RUSC1: variants seen among roughly 807,000 people sequenced by gnomAD.
The protein encoded by RUSC1 is RUN and SH3 domain containing 1, also known as AP-4 complex accessory subunit RUSC1.
Under a neutral mutation model 72.1 loss-of-function variants are expected in RUSC1, and 40 were observed. The ratio of observed to expected loss-of-function variants is 0.55; its 90% confidence interval spans 0.43 to 0.72. The LOEUF (loss-of-function observed/expected upper bound fraction) is 0.72. Among genes scored for constraint, RUSC1 ranks in the 30% least tolerant of loss-of-function variants. The pLI is 0.00. For synonymous variants in RUSC1, 512 were observed against 494.2 expected (o/e 1.04, Z -0.48); for missense variants, 1,092 against 1,172.3 (o/e 0.93, Z 1.00).
chr1:155,321,496 G>T, intron 1 of RUSC1, 192 bp from the exon 2 acceptor site: 2 of 1,483,304 alleles, frequency 1.3e-6, no homozygotes, highest in East Asian at 2.8e-5. Context: ...CATTCCCGGG[G>T]GGTTACATTC....
rs749135751 is a variant in RUSC1, at chr1:155,321,851, G to A, written c.78G>A (p.Leu26=). Residue 26 remains leucine (L), a synonymous_variant, in exon 2 of 10, where the codon TTG becomes TTA. Transcript: ENST00000368352. ...HLQHVSLGLH[L]SRRPELQEGP... is the part of the protein sequence containing the mutation. ...AGCACGTCTCCCTGGGCCTGCACTT[G>A]TCCCGCCGTCCTGAGCTACAGGAGG... The A allele has an allele frequency of 8.1e-6, 13 of 1,613,670 alleles. No homozygotes were observed. The African/African-American group carries it at 1.3e-4, about 17-fold the overall frequency.
chr1:155,323,518 G>C (rs564235447), intron 2 of RUSC1: 32 of 159,380 alleles, frequency 2.0e-4, no homozygotes, highest in East Asian at 7.0e-4. Flanking sequence ...TCCTCTGGCC[G>C]GGTGGCCCGG....
Position 155,326,485 on chromosome 1 carries a change from G to T in RUSC1, c.1862-95G>T. 1 of 1,268,742 alleles carries T rather than the reference G, an allele frequency of 7.9e-7. No homozygotes were observed. The highest frequency in any genetic ancestry group is 1.1e-6 in the Non-Finnish European group (1 of 912,740). 78.6% of individuals were successfully genotyped at this position (1,268,742 alleles called of 1,614,324 possible). ...CTGCCCCAGTGCCCAGCAGAGTGAGGCCTGGGAAGATGTGTGCTGACTGGT... is the reference window on the plus strand; with the variant it reads ...CTGCCCCAGTGCCCAGCAGAGTGAGTCCTGGGAAGATGTGTGCTGACTGGT... On this transcript the variant is annotated intron_variant, in intron 7 of 9. Transcript: ENST00000368352. This position sits in a 1 kb window ranked among gnomAD's most constrained non-coding sequence, Gnocchi z 4.7.
intron 9 of RUSC1, 114 bp downstream of exon 9, chr1:155,328,389 A>G: frequency 8.9e-7 from 1 of 1,125,712 alleles, no homozygotes; most frequent in Non-Finnish European, 1.2e-6. Flanking sequence ...CTTAGTGTGC[A>G]TTGCAGCTTT....
rs1211053392 is a variant in RUSC1, at chr1:155,325,550, G to A, written c.1709-17G>A. On this transcript the variant is annotated splice_polypyrimidine_tract_variant and intron_variant, in intron 5 of 9. Transcript: ENST00000368352. This position sits in a 1 kb window ranked among gnomAD's most constrained non-coding sequence, Gnocchi z 6.5. The stretch of plus-strand genomic sequence containing the variant: ...AGGGCAGGGCCGGGCTTGGCTGACT[G>A]CACCCCACGTTCTCAGGCTCCAGCA... 1.2e-6 allele frequency: 2 copies of A among 1,607,960 alleles called. No individual in the cohort carries two copies. The highest frequency in any genetic ancestry group is 1.3e-5 in the African/African-American group (1 of 75,036).
Position 155,322,290 on chromosome 1 carries a change from T to C in RUSC1, c.517T>C (p.Ser173Pro). Residue 173 changes from serine (S) to proline (P), a missense_variant, in exon 2 of 10, where the codon TCA (serine) becomes CCA (proline). Transcript: ENST00000368352. Reference protein sequence around the residue: ...SPDSCSGASSSPDPGLDSNCN... With the variant: ...SPDSCSGASSPPDPGLDSNCN... ...TGATTCCTGCTCCGGAGCTTCTTCT[T>C]CACCCGATCCTGGCCTGGACTCGAA... 1 of 1,611,354 alleles carries C rather than the reference T, an allele frequency of 6.2e-7. No homozygotes were observed. The highest frequency in any genetic ancestry group is 8.5e-7 in the Non-Finnish European group (1 of 1,178,052).
At chr1:155,324,337 C>A (rs1393880351) in intron 2 of RUSC1, 3 of 1,595,634 alleles carry the variant, frequency 1.9e-6, no homozygotes, top group East Asian at 4.5e-5. Context: ...TTCCCCTTTC[C>A]GGCGCCTTCC....
chr1:155,321,625 C>T, intron 1 of RUSC1, 63 bp from the exon 2 acceptor site: 2 of 1,269,742 alleles, frequency 1.6e-6, no homozygotes, highest in East Asian at 2.3e-5. Flanking sequence ...GTCAAGTCAC[C>T]TCGGTGTCCT....
Position 155,325,063 on chromosome 1 carries a change from C to A in RUSC1, c.1457-39C>A, listed in dbSNP as rs755383159. The A allele has an allele frequency of 6.2e-7, 1 of 1,613,986 alleles. No homozygotes were observed. The highest frequency in any genetic ancestry group is 1.1e-5 in the South Asian group (1 of 91,088). On this transcript the variant is annotated intron_variant, in intron 3 of 9. Coordinates refer to ENST00000368352, the MANE Select transcript of RUSC1 (RefSeq NM_001105203.2). The surrounding 1 kb of genome is among the most constrained non-coding windows in gnomAD (Gnocchi z 6.5). ...CCCCTCGGGCAAGCCTGGGTAGGGG[C>A]GCGGCCTCCTAGCGTCTTCCCTTTC... is the stretch of plus-strand genomic sequence containing the variant.
rs758786910 is a variant in RUSC1, at chr1:155,326,775, C to T, written c.2057C>T (p.Pro686Leu). 5 of 1,613,120 alleles carry T rather than the reference C, an allele frequency of 3.1e-6. No homozygotes were observed. In the South Asian group the frequency reaches 5.5e-5, roughly 18 times the overall value. The change falls in exon 8 of 10, where the codon CCA becomes CTA. Residue 686 changes from proline to leucine, a missense_variant. Pro to Leu is a moderately conservative substitution (Grantham distance 98, BLOSUM62 -3). Transcript: ENST00000368352. The surrounding 1 kb of genome is among the most constrained non-coding windows in gnomAD (Gnocchi z 4.7). ...PQAPAPPGPP[P>L]ALQQTMQAML... The stretch of plus-strand genomic sequence containing the variant: ...GCCCCTGCCCCTCCAGGCCCACCTC[C>T]AGCTCTGCAGCAGACTATGCAAGCC...
Position 155,322,379 on chromosome 1 carries a change from G to T in RUSC1, c.606G>T (p.Arg202Ser), listed in dbSNP as rs1650665586. The change falls in exon 2 of 10, where the codon AGG becomes AGT. Residue 202 changes from arginine to serine, a missense_variant. By Grantham distance (110) the Arg-to-Ser change is moderately radical. Transcript: ENST00000368352. The part of the protein sequence containing the change: ...PSPGLEEEDE[R>S]AEQDLPTSEL... ...CAGGCTTGGAGGAAGAGGACGAGAG[G>T]GCGGAGCAGGATCTCCCTACCTCTG... The T allele has an allele frequency of 1.2e-6, 2 of 1,614,016 alleles. No individual in the cohort carries two copies. Among genetic ancestry groups the T allele is most frequent in the Non-Finnish European group, 1.7e-6 (2 of 1,179,974 alleles).
In RUSC1 at chr1:155,330,556, C is replaced by G. The variant is rs755204471; in HGVS notation, c.2694C>G (p.Thr898=). The part of the protein sequence containing the change: ...GMEGLVPVGY[T]SLVL ...AGGGTCTGGTGCCTGTGGGGTATAC[C>G]TCCCTTGTTCTGTAGCCCTGGGACC... is the stretch of plus-strand genomic sequence containing the variant. The change falls in exon 10 of 10, where the codon ACC becomes ACG. Residue 898 remains threonine (T), a synonymous_variant. Transcript: ENST00000368352. The G allele has an allele frequency of 3.5e-5, 56 of 1,599,412 alleles. 1 individual carries two copies. In the South Asian group the frequency reaches 6.1e-4, roughly 17 times the overall value.
In RUSC1 at chr1:155,323,085, G is replaced by C; in HGVS notation, c.1312G>C (p.Glu438Gln). Reference protein sequence around the residue: ...GRAVSPAAGEEAPAAKEPGAQ... With the variant: ...GRAVSPAAGEQAPAAKEPGAQ... ...GGCTGTCAGCCCAGCGGCTGGCGAG[G>C]AGGCCCCAGCCGCGAAGGAGCCGGG... Residue 438 changes from glutamate to glutamine, a missense_variant, in exon 2 of 10, where the codon GAG becomes CAG. Glu to Gln is a conservative substitution (Grantham distance 29, BLOSUM62 2). Coordinates refer to ENST00000368352, the MANE Select transcript of RUSC1 (RefSeq NM_001105203.2). 7.0e-7 allele frequency: 1 copy of C among 1,430,006 alleles called. No homozygotes were observed. The highest frequency in any genetic ancestry group is 1.5e-5 in the South Asian group (1 of 66,456). The allele number at this position is 1,430,006 out of a possible 1,614,324, so 88.6% of individuals were successfully genotyped here.
Position 155,325,873 on chromosome 1 carries a change from G to T in RUSC1, c.1824G>T (p.Gln608His). ...AFILGLLNTK[Q>H]LELWFSSLQE... is the part of the protein sequence containing the mutation. Reference sequence around the variant, plus strand: ...CTCTTTTCTCCCCTAGCACCAAGCAGTTGGAGCTGTGGTTTTCCAGTCTCC... The same window carrying T: ...CTCTTTTCTCCCCTAGCACCAAGCATTTGGAGCTGTGGTTTTCCAGTCTCC... The change falls in exon 7 of 10, where the codon CAG becomes CAT. Residue 608 changes from glutamine (Q) to histidine (H), a missense_variant. Transcript: ENST00000368352. The surrounding 1 kb of genome is among the most constrained non-coding windows in gnomAD (Gnocchi z 6.5). 4 of 1,614,156 alleles carry T rather than the reference G, an allele frequency of 2.5e-6. No homozygotes were observed. Among genetic ancestry groups the T allele is most frequent in the Non-Finnish European group, 3.4e-6 (4 of 1,180,016 alleles).
At position 155,325,658 on chromosome 1, in the gene RUSC1, C is replaced by T. The variant is rs1309162843; in HGVS notation, c.1800C>T (p.Ile600=). 6.2e-7 allele frequency: 1 copy of T among 1,613,886 alleles called. No homozygotes were observed. Among genetic ancestry groups the T allele is most frequent in the Non-Finnish European group, 8.5e-7 (1 of 1,179,978 alleles). The stretch of plus-strand genomic sequence containing the variant: ...GCCGTAGCCGCTTCCATGCCTTTAT[C>T]CTGGGCCTCCTCAAGTGAGTTGCCT... ...SSSRSRFHAF[I]LGLLNTKQLE... is the part of the protein sequence containing the mutation. Residue 600 remains isoleucine (I), a synonymous_variant, in exon 6 of 10, where the codon ATC becomes ATT. Coordinates refer to ENST00000368352, the MANE Select transcript of RUSC1 (RefSeq NM_001105203.2). This position sits in a 1 kb window ranked among gnomAD's most constrained non-coding sequence, Gnocchi z 6.5.
rs1185333275 is a variant in RUSC1, at chr1:155,322,136, C to G, written c.363C>G (p.Val121=). 6.2e-7 allele frequency: 1 copy of G among 1,605,552 alleles called. No homozygotes were observed. The highest frequency in any genetic ancestry group is 2.2e-5 in the East Asian group (1 of 44,758). ...DLSPDESPVS[V]YLRDLPGDED... is the part of the protein sequence containing the mutation. ...GCCCCGATGAGTCCCCTGTCTCAGT[C>G]TACTTGCGGGACCTCCCTGGTGATG... The change falls in exon 2 of 10, where the codon GTC becomes GTG. Residue 121 remains valine (V), a synonymous_variant. Transcript: ENST00000368352.
intron 1 of RUSC1, 188 bp downstream of exon 1, chr1:155,321,179 C>T: frequency 2.2e-6 from 3 of 1,371,838 alleles, no homozygotes; most frequent in Non-Finnish European, 2.9e-6. Context: ...CCGGCCGAGG[C>T]AGCCAGCAGA....
In RUSC1 at chr1:155,321,953, G is replaced by C; in HGVS notation, c.180G>C (p.Val60=). The C allele has an allele frequency of 6.2e-7, 1 of 1,600,860 alleles. No individual in the cohort carries two copies. Among genetic ancestry groups the C allele is most frequent in the Non-Finnish European group, 8.5e-7 (1 of 1,173,480 alleles). The change falls in exon 2 of 10, where the codon GTG becomes GTC. Residue 60 remains valine, a synonymous_variant. Coordinates refer to ENST00000368352, the MANE Select transcript of RUSC1 (RefSeq NM_001105203.2). Reference sequence around the variant, plus strand: ...GGGGCCCCTGCAGTGGCACCCTGGTGGACGCCAATTCCAACAGCCCAGCTG... The same window carrying C: ...GGGGCCCCTGCAGTGGCACCCTGGTCGACGCCAATTCCAACAGCCCAGCTG... ...ESRGPCSGTL[V]DANSNSPAVP...
rs1485407732 is a variant in RUSC1 at position 155,322,758 on chromosome 1, C to T, written c.985C>T (p.Leu329=). The change falls in exon 2 of 10, where the codon CTG becomes TTG. Residue 329 remains leucine, a synonymous_variant. Coordinates refer to ENST00000368352, the MANE Select transcript of RUSC1 (RefSeq NM_001105203.2). The part of the protein sequence containing the change: ...LAQKRKRGPG[L]PLVPQAKKDR... ...CCAGAAGCGCAAGCGGGGCCCAGGG[C>T]TGCCCCTTGTCCCGCAGGCGAAGAA... The T allele has an allele frequency of 6.2e-7, 1 of 1,613,990 alleles. No individual in the cohort carries two copies. The highest frequency in any genetic ancestry group is 1.3e-5 in the African/African-American group (1 of 75,066).
Sources: allele counts gnomAD v4.1 joint callset, GRCh38; gene constraint gnomAD v4.1.1; non-coding constraint Gnocchi (gnomAD v3.1); transcripts MANE v1.5; gene names NCBI Gene and HGNC (gene_info 2026-07-23, HGNC 2026-07-21).